VAV3: variants seen among roughly 807,000 people sequenced by gnomAD.
VAV3 encodes the protein guanine nucleotide exchange factor VAV3.
Under a neutral mutation model 131.2 loss-of-function variants are expected in VAV3, and 94 were observed. That is an observed-to-expected ratio of 0.72 (90% CI 0.61 to 0.85). The LOEUF (loss-of-function observed/expected upper bound fraction) is 0.85. Ranked by LOEUF, VAV3 falls within the 40% of genes least tolerant of loss-of-function variation. The pLI, the probability that VAV3 is intolerant of heterozygous loss-of-function variation, is 0.00. For synonymous variants in VAV3, 349 were observed against 342.0 expected (o/e 1.02, Z -0.22); for missense variants, 939 against 1,002.7 (o/e 0.94, Z 0.86).
chr1:107,780,852 C>T (rs1665647322), intron 2 of VAV3, among the ~76,000 whole-genome samples: 1 of 152,070 alleles, frequency 6.6e-6, no homozygotes. Context: ...TATAATGCAT[C>T]CTAACTCTCA....
intron 1 of VAV3, among the ~76,000 whole-genome samples, chr1:107,963,178 G>A (rs1241433700): frequency 6.6e-6 from 1 of 151,316 alleles, no homozygotes; most frequent in Non-Finnish European, 1.5e-5. Flanking sequence ...CAAGTTCCAG[G>A]AAATGTGCAC....
At chr1:107,822,353 G>GA (rs879317309) in intron 2 of VAV3, among the ~76,000 whole-genome samples, 12 of 150,808 alleles carry the variant, frequency 8.0e-5, no homozygotes, top group African/African-American at 1.7e-4. Flanking sequence ...AAAAAGAGGG[G>GA]AAAAAAAAAT....
intron 22 of VAV3, among the ~76,000 whole-genome samples, chr1:107,604,764 C>A (rs1652139621): frequency 6.6e-6 from 1 of 152,074 alleles, no homozygotes; most frequent in Non-Finnish European, 1.5e-5. Context: ...GCATTTTTAT[C>A]AAAGCTATGC....
chr1:107,662,152 A>T (rs1657066762), intron 19 of VAV3, among the ~76,000 whole-genome samples: 1 of 152,178 alleles, frequency 6.6e-6, no homozygotes, highest in South Asian at 2.1e-4. Context: ...AATTGCTATG[A>T]TTTTTTCAGC....
At chr1:107,705,124 T>C (rs568949965) in intron 15 of VAV3, 63 bp from the exon 16 acceptor site, 41 of 1,267,092 alleles carry the variant, frequency 3.2e-5, no homozygotes, top group Non-Finnish European at 4.3e-5. Flanking sequence ...AATTTAGTCA[T>C]CTAAACCCTA....
chr1:107,716,864 G>A (rs1006701644), intron 15 of VAV3, among the ~76,000 whole-genome samples: 1 of 152,094 alleles, frequency 6.6e-6, no homozygotes, highest in Non-Finnish European at 1.5e-5. Flanking sequence ...AATCCGTCTG[G>A]TCCTGGACTC....
At chr1:107,735,505 TA>T (rs1248535612) in intron 15 of VAV3, among the ~76,000 whole-genome samples, 10 of 151,816 alleles carry the variant, frequency 6.6e-5, no homozygotes, top group Non-Finnish European at 1.5e-4. Flanking sequence ...ATAGACGCAA[TA>T]AAAAATGATA....
intron 4 of VAV3, among the ~76,000 whole-genome samples, chr1:107,776,052 A>G (rs1045471656): frequency 6.6e-6 from 1 of 152,220 alleles, no homozygotes; most frequent in Non-Finnish European, 1.5e-5. Context: ...TCTCACTTTT[A>G]AACTGTGAAG....
At chr1:107,930,450 G>T (rs1279266354) in intron 1 of VAV3, among the ~76,000 whole-genome samples, 1 of 152,022 alleles carries the variant, frequency 6.6e-6, no homozygotes, top group Non-Finnish European at 1.5e-5. Flanking sequence ...CCTCCAAAAA[G>T]AAATCAATTA....
intron 2 of VAV3, among the ~76,000 whole-genome samples, chr1:107,851,040 C>A (rs1025172352): frequency 5.9e-5 from 9 of 151,896 alleles, no homozygotes; most frequent in African/African-American, 1.9e-4. Flanking sequence ...AGGCTGGGAA[C>A]AAGACAGAGC....
chr1:107,702,560 C>T (rs1380556941), intron 17 of VAV3, among the ~76,000 whole-genome samples: 1 of 152,116 alleles, frequency 6.6e-6, no homozygotes, highest in Non-Finnish European at 1.5e-5. Context: ...GGACAGAGTA[C>T]ATTGAAATAA....
intron 2 of VAV3, among the ~76,000 whole-genome samples, chr1:107,870,531 T>C (rs1259226998): frequency 2.0e-5 from 3 of 152,192 alleles, no homozygotes; most frequent in African/African-American, 7.2e-5. Flanking sequence ...AGATTCTTGA[T>C]ATTAGTCCTT....
At position 107,574,160 on chromosome 1, in the gene VAV3, A is replaced by G. The variant is rs1269293342; in HGVS notation, c.2389T>C (p.Tyr797His). 6.2e-7 allele frequency: 1 copy of G among 1,613,918 alleles called. No individual in the cohort carries two copies. Among genetic ancestry groups the G allele is most frequent in the Non-Finnish European group, 8.5e-7 (1 of 1,179,988 alleles). ...CTCATATCTCTTGCACAGAAGTCAT[A>G]CCGAGCGATGGCAATGCCCAGCACT... The part of the protein sequence containing the change: ...PKVLGIAIAR[Y>H]DFCARDMREL... Residue 797 changes from tyrosine to histidine, a missense_variant, in exon 26 of 27, where the codon TAT (tyrosine) becomes CAT (histidine). Coordinates refer to ENST00000370056, the MANE Select transcript of VAV3 (RefSeq NM_006113.5).
intron 15 of VAV3, among the ~76,000 whole-genome samples, chr1:107,729,667 C>A (rs890915148): frequency 6.6e-6 from 1 of 152,108 alleles, no homozygotes; most frequent in Non-Finnish European, 1.5e-5. Context: ...GGATAAACTG[C>A]TCCATCATAA....
chr1:107,885,690 C>A (rs1445980474), intron 1 of VAV3, among the ~76,000 whole-genome samples: 1 of 152,078 alleles, frequency 6.6e-6, no homozygotes, highest in Non-Finnish European at 1.5e-5. Flanking sequence ...AGTACTGTTA[C>A]AATTCCCATT....
At chr1:107,590,648 A>G (rs1217484996) in intron 25 of VAV3, among the ~76,000 whole-genome samples, 2 of 152,156 alleles carry the variant, frequency 1.3e-5, no homozygotes, top group African/African-American at 4.8e-5. Flanking sequence ...AATCTGTTCT[A>G]TCTCTTCTGT....
At position 107,895,519 on chromosome 1, in the gene VAV3, A is replaced by G. The variant is rs1166983649; in HGVS notation, c.205-20502T>C. Among the ~76,000 whole-genome samples, 6 of 152,190 alleles carry G rather than the reference A, an allele frequency of 3.9e-5. No homozygotes were observed. The East Asian group carries it at 1.2e-3, about 29-fold the overall frequency. On this transcript the variant is annotated intron_variant, in intron 1 of 26. Coordinates refer to ENST00000370056, the MANE Select transcript of VAV3 (RefSeq NM_006113.5). ...GGAAACAGAGGTAGAGAGATGTTAA[A>G]TAGTTGCCCAATGTCATACAGCCAA...
chr1:107,648,868 C>T (rs1050956300), intron 19 of VAV3, among the ~76,000 whole-genome samples: 2 of 151,960 alleles, frequency 1.3e-5, no homozygotes, highest in Admixed American at 6.6e-5. Context: ...CTTGACATGG[C>T]TGATGTATGT....
chr1:107,742,185 G>T (rs1004468854), intron 15 of VAV3, among the ~76,000 whole-genome samples: 1 of 152,086 alleles, frequency 6.6e-6, no homozygotes, highest in Non-Finnish European at 1.5e-5. Flanking sequence ...TCCTCCAAAG[G>T]GCTGTTGTAA....
Sources: gnomAD v4.1 joint callset for allele counts (sites outside exome capture counted in the v4.1 genomes callset) on GRCh38, gnomAD v4.1.1 for gene constraint, MANE v1.5 for transcripts, NCBI Gene and HGNC (gene_info 2026-07-23, HGNC 2026-07-21) for gene names.